Variants in FAM83B observed in about 807,000 individuals in gnomAD.
FAM83B encodes protein FAM83B.
FAM83B carries 26 observed loss-of-function variants against 38.8 expected under a neutral mutation model. The ratio of observed to expected loss-of-function variants is 0.67; its 90% CI spans 0.49 to 0.93. The LOEUF is 0.93. FAM83B is among the 40% of genes least tolerant of loss of function. The pLI is 0.00. For missense variants in FAM83B, 1,237 were observed against 1,197.3 expected (o/e 1.03, Z -0.49); for synonymous variants, 419 against 423.1 (o/e 0.99, Z 0.12).
At position 54,941,432 on chromosome 6, in the gene FAM83B, G is replaced by A. The variant is rs1773689910; in HGVS notation, c.2461G>A (p.Asp821Asn). The change falls in exon 5 of 5, where the codon GAC becomes AAC. Residue 821 changes from aspartate to asparagine, a missense_variant. Asp to Asn is a conservative substitution (Grantham distance 23). Coordinates refer to ENST00000306858, the MANE Select transcript of FAM83B (RefSeq NM_001010872.3). The part of the protein sequence containing the change: ...GEENQKPKKS[D>N]TKVDSSPRRK... The stretch of plus-strand genomic sequence containing the variant: ...AGAAAATCAAAAACCAAAGAAATCA[G>A]ACACAAAAGTTGATTCATCTCCTAG... 6 of 1,613,052 alleles carry A rather than the reference G, an allele frequency of 3.7e-6. No individual in the cohort carries two copies. Among genetic ancestry groups the A allele is most frequent in the Non-Finnish European group, 5.1e-6 (6 of 1,179,816 alleles).
intron 2 of FAM83B, among the ~76,000 whole-genome samples, 191 bp downstream of exon 2, chr6:54,870,881 C>T (rs1250854492): frequency 6.6e-6 from 1 of 152,106 alleles, no homozygotes; most frequent in Non-Finnish European, 1.5e-5. Flanking sequence ...AAGAGAGTGG[C>T]ATTAGGTCTC....
chr6:54,858,424 T>G (rs2127572627), intron 1 of FAM83B, among the ~76,000 whole-genome samples: 1 of 152,350 alleles, frequency 6.6e-6, no homozygotes, highest in South Asian at 2.1e-4. Flanking sequence ...TTGGATGAAC[T>G]TAAGCCTTAC....
At chr6:54,881,827 A>G (rs550980473) in intron 2 of FAM83B, among the ~76,000 whole-genome samples, 14 of 152,188 alleles carry the variant, frequency 9.2e-5, no homozygotes, top group Non-Finnish European at 1.9e-4. Flanking sequence ...GGTTTGTTAC[A>G]TATGTATACA....
intron 4 of FAM83B, among the ~76,000 whole-genome samples, chr6:54,930,444 G>A (rs2127589562): frequency 6.6e-6 from 1 of 152,130 alleles, no homozygotes; most frequent in East Asian, 1.9e-4. Flanking sequence ...ATTTCTAAGT[G>A]ATTTGATCCA....
At chr6:54,927,838 A>G (rs1561928190) in intron 4 of FAM83B, among the ~76,000 whole-genome samples, 1 of 151,868 alleles carries the variant, frequency 6.6e-6, no homozygotes, top group Non-Finnish European at 1.5e-5. Context: ...TGCAAATCAT[A>G]TAACTTCCTT....
chr6:54,901,541 TAA>T (rs1413599157), intron 2 of FAM83B, among the ~76,000 whole-genome samples: 1 of 152,194 alleles, frequency 6.6e-6, no homozygotes, highest in Admixed American at 6.5e-5. Context: ...TGCTATGATA[TAA>T]AAAGTTAATA....
intron 2 of FAM83B, among the ~76,000 whole-genome samples, chr6:54,925,754 G>T (rs899555836): frequency 6.6e-6 from 1 of 151,602 alleles, no homozygotes; most frequent in African/African-American, 2.4e-5. Context: ...TTCCATATAC[G>T]TGGGTTCTTC....
At chr6:54,862,062 T>C (rs547333558) in intron 1 of FAM83B, among the ~76,000 whole-genome samples, 67 of 152,304 alleles carry the variant, frequency 4.4e-4, no homozygotes, top group African/African-American at 1.6e-3. Context: ...CATTAGGGTC[T>C]AAGAAAACCC....
intron 1 of FAM83B, among the ~76,000 whole-genome samples, chr6:54,848,189 A>C (rs947236743): frequency 9.2e-5 from 14 of 152,176 alleles, no homozygotes; most frequent in Admixed American, 2.0e-4. Context: ...TTGGGAGTGC[A>C]GGTCTTTGTT....
intron 2 of FAM83B, among the ~76,000 whole-genome samples, chr6:54,870,950 G>A (rs1771839234): frequency 6.6e-6 from 1 of 152,104 alleles, no homozygotes; most frequent in South Asian, 2.1e-4. Context: ...TCTTCTCCCA[G>A]AAGACTGAGG....
At chr6:54,885,985 T>G (rs868197145) in intron 2 of FAM83B, among the ~76,000 whole-genome samples, 470 of 140,166 alleles carry the variant, frequency 3.4e-3, no homozygotes, top group African/African-American at 0.012. Context: ...ATAATAATAA[T>G]AAGTAACTGT....
In FAM83B at chr6:54,870,334, G is replaced by C; in HGVS notation, c.88G>C (p.Val30Leu). The C allele has an allele frequency of 6.2e-7, 1 of 1,613,954 alleles. No homozygotes were observed. Among genetic ancestry groups the C allele is most frequent in the Non-Finnish European group, 8.5e-7 (1 of 1,179,890 alleles). ...IEPHYKEWYR[V>L]AIDILIEHGL... ...GCCTCACTACAAGGAATGGTATCGA[G>C]TAGCCATTGATATTCTGATTGAACA... The change falls in exon 2 of 5, where the codon GTA becomes CTA. Residue 30 changes from valine (V) to leucine (L), a missense_variant. Transcript: ENST00000306858.
intron 2 of FAM83B, among the ~76,000 whole-genome samples, chr6:54,875,922 CTATTT>C (rs368879952): frequency 3.2e-3 from 480 of 152,108 alleles, no homozygotes; most frequent in African/African-American, 0.011. Flanking sequence ...CATTCTATAT[CTATTT>C]TATGTTTGTT....
rs566574011 is a variant in FAM83B, at chr6:54,881,347, T to C, written c.444+10657T>C. Among the ~76,000 whole-genome samples the C allele has an allele frequency of 3.3e-5, 5 of 152,338 alleles. No individual in the cohort carries two copies. In the East Asian group the frequency reaches 9.6e-4, roughly 29 times the overall value. On this transcript the variant is annotated intron_variant, in intron 2 of 4. Transcript: ENST00000306858. ...GAAGAAAGCCTCATAACTGTTTCTG[T>C]GTAATCATCAGTAAGAAAAATTGGT...
chr6:54,940,291 T>C lies in FAM83B; in HGVS notation c.1320T>C (p.Pro440=). ...REGYVSHHNT[P]AQSFANRLAQ... The stretch of plus-strand genomic sequence containing the variant: ...GCTATGTAAGCCACCACAACACACC[T>C]GCCCAGAGTTTTGCCAATCGGCTTG... Residue 440 remains proline (P), a synonymous_variant, in exon 5 of 5, where the codon CCT becomes CCC. Transcript: ENST00000306858. The C allele has an allele frequency of 6.2e-7, 1 of 1,614,044 alleles. No individual in the cohort carries two copies. The highest frequency in any genetic ancestry group is 8.5e-7 in the Non-Finnish European group (1 of 1,179,990).
chr6:54,888,077 T>C (rs1007910349), intron 2 of FAM83B, among the ~76,000 whole-genome samples: 4 of 151,026 alleles, frequency 2.6e-5, no homozygotes, highest in African/African-American at 9.7e-5. Context: ...TCCTCATTTA[T>C]GAGCTTGTTT....
intron 1 of FAM83B, among the ~76,000 whole-genome samples, chr6:54,857,330 T>C (rs1359483756): frequency 6.6e-6 from 1 of 152,208 alleles, no homozygotes; most frequent in African/African-American, 2.4e-5. Flanking sequence ...ACATGACACA[T>C]TCAGCATTTC....
In FAM83B at chr6:54,863,912, T is replaced by C. The variant is rs370678644; in HGVS notation, c.-60-6275T>C. The stretch of plus-strand genomic sequence containing the variant: ...GGGCCAGAACAAGAATACGTCACTT[T>C]GGTATGGCACAAGACACAACTTTAT... On this transcript the variant is annotated intron_variant, in intron 1 of 4. Transcript: ENST00000306858. 1.1e-4 allele frequency among the ~76,000 whole-genome samples: 17 copies of C among 152,324 alleles called. 1 individual carries two copies. In the East Asian group the frequency reaches 3.1e-3, roughly 28 times the overall value.
In FAM83B at chr6:54,941,438, A is replaced by G. The variant is rs1773690079; in HGVS notation, c.2467A>G (p.Lys823Glu). ...TCAAAAACCAAAGAAATCAGACACA[A>G]AAGTTGATTCATCTCCTAGAAGAAA... Reference protein sequence around the residue: ...ENQKPKKSDTKVDSSPRRKHS... With the variant: ...ENQKPKKSDTEVDSSPRRKHS... Residue 823 changes from lysine (K) to glutamate (E), a missense_variant, in exon 5 of 5, where the codon AAA becomes GAA. By Grantham distance (56) the Lys-to-Glu change is moderately conservative. Coordinates refer to ENST00000306858, the MANE Select transcript of FAM83B (RefSeq NM_001010872.3). The G allele has an allele frequency of 6.2e-7, 1 of 1,613,152 alleles. No individual in the cohort carries two copies. The highest frequency in any genetic ancestry group is 8.5e-7 in the Non-Finnish European group (1 of 1,179,836).
Sources: gnomAD v4.1 joint callset for allele counts (sites outside exome capture counted in the v4.1 genomes callset) on GRCh38, gnomAD v4.1.1 for gene constraint, MANE v1.5 for transcripts, NCBI Gene and HGNC (gene_info 2026-07-23, HGNC 2026-07-21) for gene names.